ZNF892: variants seen among roughly 807,000 people sequenced by gnomAD.
ZNF892 encodes zinc finger protein 570-like.
the ZNF892 span, among the ~76,000 whole-genome samples, chr2:95,219,258 G>A: frequency 2.0e-5 from 3 of 151,312 alleles, no homozygotes; most frequent in Non-Finnish European, 4.4e-5. Context: ...CGCCCGCTTC[G>A]GCCTCCCAAA....
chr2:95,213,696 G>C, the ZNF892 span, among the ~76,000 whole-genome samples: 1 of 152,128 alleles, frequency 6.6e-6, no homozygotes, highest in South Asian at 2.1e-4. Context: ...CAATTAATAA[G>C]CTTTGTGGTC....
the ZNF892 span, among the ~76,000 whole-genome samples, chr2:95,227,124 CCCTT>C: frequency 0.023 from 3,196 of 140,850 alleles, 94 homozygotes; most frequent in African/African-American, 0.07. Flanking sequence ...CTCCCTCCCT[CCCTT>C]CCTTCCTTCC....
At chr2:95,209,253 A>G in the ZNF892 span, among the ~76,000 whole-genome samples, 1 of 152,082 alleles carries the variant, frequency 6.6e-6, no homozygotes, top group Non-Finnish European at 1.5e-5. Flanking sequence ...AGCTTTGGCC[A>G]AAAAATAAAA....
the ZNF892 span, among the ~76,000 whole-genome samples, chr2:95,245,460 G>T: frequency 1.2e-4 from 14 of 117,286 alleles, no homozygotes; most frequent in African/African-American, 3.9e-4. Flanking sequence ...CGGGGGGGGG[G>T]GGGTTTCACC....
chr2:95,240,644 G>A, the ZNF892 span, among the ~76,000 whole-genome samples: 2 of 152,162 alleles, frequency 1.3e-5, no homozygotes, highest in Non-Finnish European at 2.9e-5. Flanking sequence ...TGAATCCAGG[G>A]AGCCAAGCAG....
chr2:95,214,481 C>T, the ZNF892 span: 1 of 398,362 alleles, frequency 2.5e-6, no homozygotes, highest in Non-Finnish European at 4.4e-6. Flanking sequence ...AGCAGGAAAA[C>T]CATGAGAAAC....
the ZNF892 span, among the ~76,000 whole-genome samples, chr2:95,255,973 C>T: frequency 6.6e-6 from 1 of 152,270 alleles, no homozygotes; most frequent in East Asian, 1.9e-4. Context: ...CTATGTGTGT[C>T]TCTGCACTTG....
the ZNF892 span, among the ~76,000 whole-genome samples, chr2:95,218,562 T>C: frequency 6.6e-6 from 1 of 152,198 alleles, no homozygotes; most frequent in African/African-American, 2.4e-5. Context: ...TCTTTTAGCC[T>C]CTACCCATCA....
At chr2:95,235,455 G>C in the ZNF892 span, among the ~76,000 whole-genome samples, 1 of 150,930 alleles carries the variant, frequency 6.6e-6, no homozygotes, top group African/African-American at 2.4e-5. Flanking sequence ...TCCACCTCTC[G>C]GGCTTACGCC....
chr2:95,251,546 GT>G, the ZNF892 span, among the ~76,000 whole-genome samples: 1 of 152,092 alleles, frequency 6.6e-6, no homozygotes, highest in South Asian at 2.1e-4. Context: ...ATCAAAGACT[GT>G]CCCCATGAGA....
At chr2:95,257,680 G>T in the ZNF892 span, among the ~76,000 whole-genome samples, 15 of 152,224 alleles carry the variant, frequency 9.9e-5, no homozygotes, top group African/African-American at 2.7e-4. Flanking sequence ...AGTCTACAGA[G>T]GCAGGCAGGC....
the ZNF892 span, among the ~76,000 whole-genome samples, chr2:95,219,983 A>G: frequency 6.6e-6 from 1 of 152,092 alleles, no homozygotes; most frequent in African/African-American, 2.4e-5. Flanking sequence ...CATCATTACT[A>G]TTGGGAATTG....
the ZNF892 span, among the ~76,000 whole-genome samples, chr2:95,232,324 G>A: frequency 6.6e-6 from 1 of 152,184 alleles, no homozygotes; most frequent in South Asian, 2.1e-4. Flanking sequence ...GGTCTAGCAG[G>A]TAGGGACTAT....
chr2:95,258,707 C>T, the ZNF892 span, among the ~76,000 whole-genome samples: 138 of 152,212 alleles, frequency 9.1e-4, no homozygotes, highest in African/African-American at 3.1e-3. Flanking sequence ...TGCCTGACTC[C>T]GTAAGAATTC....
At chr2:95,228,268 A>G in the ZNF892 span, among the ~76,000 whole-genome samples, 6 of 152,218 alleles carry the variant, frequency 3.9e-5, no homozygotes, top group Non-Finnish European at 7.3e-5. Context: ...TGTGATTTTC[A>G]TTAAATGACA....
the ZNF892 span, among the ~76,000 whole-genome samples, chr2:95,235,603 C>T: frequency 5.3e-4 from 80 of 152,228 alleles, no homozygotes; most frequent in African/African-American, 1.7e-3. Flanking sequence ...CCTTGTGATC[C>T]GCCCACCTCG....
At chr2:95,215,433 C>A in the ZNF892 span, 1 of 441,228 alleles carries the variant, frequency 2.3e-6, no homozygotes, top group Admixed American at 3.8e-5. Context: ...TCAGAAAACT[C>A]ACACTGGAGA....
chr2:95,250,944 TATAAATGCTTATGTAA>T, the ZNF892 span, among the ~76,000 whole-genome samples: 1 of 148,356 alleles, frequency 6.7e-6, no homozygotes, highest in Non-Finnish European at 1.5e-5. Flanking sequence ...TTTATGTATT[TATAAATGCTTATGTAA>T]ATAAATGCTT....
At chr2:95,257,537 A>C in the ZNF892 span, among the ~76,000 whole-genome samples, 2 of 152,198 alleles carry the variant, frequency 1.3e-5, no homozygotes, top group African/African-American at 2.4e-5. Flanking sequence ...TTGAGGAGGC[A>C]GTCTGTGCAT....
Sources: gnomAD v4.1 joint callset for allele counts (sites outside exome capture counted in the v4.1 genomes callset) on GRCh38, gnomAD v4.1.1 for gene constraint, MANE v1.5 for transcripts, NCBI Gene and HGNC (gene_info 2026-07-23, HGNC 2026-07-21) for gene names.